Variants in CFAP95 observed in about 807,000 individuals in gnomAD.
CFAP95 encodes the protein cilia- and flagella-associated protein 95.
At chr9:69,853,049 C>T in the CFAP95 span, among the ~76,000 whole-genome samples, 287 of 152,232 alleles carry the variant, frequency 1.9e-3, no homozygotes, top group East Asian at 0.028. Context: ...AGCATGAAAA[C>T]GGACCAATAC....
the CFAP95 span, among the ~76,000 whole-genome samples, chr9:69,874,226 A>G: frequency 1.3e-5 from 2 of 152,266 alleles, no homozygotes; most frequent in South Asian, 4.1e-4. Context: ...ATCACGATAA[A>G]CACCAGAATT....
the CFAP95 span, among the ~76,000 whole-genome samples, chr9:69,851,153 CTG>C: frequency 8.5e-5 from 13 of 152,144 alleles, no homozygotes; most frequent in African/African-American, 3.1e-4. Flanking sequence ...GCAGGTGTAA[CTG>C]TTATGTTGAA....
At chr9:69,824,096 G>T in the CFAP95 span, among the ~76,000 whole-genome samples, 3 of 152,208 alleles carry the variant, frequency 2.0e-5, no homozygotes, top group Middle Eastern at 6.8e-3. Context: ...CAGAAAAGGA[G>T]AATAATATCA....
At chr9:69,830,322 C>T in the CFAP95 span, among the ~76,000 whole-genome samples, 2 of 152,098 alleles carry the variant, frequency 1.3e-5, no homozygotes, top group South Asian at 2.1e-4. Context: ...CCAAGAGCAA[C>T]GAACAAGGAG....
chr9:69,876,193 A>G, the CFAP95 span, among the ~76,000 whole-genome samples: 2 of 152,040 alleles, frequency 1.3e-5, no homozygotes, highest in South Asian at 4.2e-4. Context: ...ATGGCATTTC[A>G]TTGTTGTTTT....
the CFAP95 span, among the ~76,000 whole-genome samples, chr9:69,900,088 T>TAG: frequency 6.6e-6 from 1 of 152,122 alleles, no homozygotes; most frequent in Non-Finnish European, 1.5e-5. Flanking sequence ...ATTTTTTACT[T>TAG]AGATGGGTTT....
At chr9:69,861,730 C>CAAAAAAAAAAAAAAAAA in the CFAP95 span, among the ~76,000 whole-genome samples, 1 of 86,848 alleles carries the variant, frequency 1.2e-5, no homozygotes, top group Non-Finnish European at 2.2e-5. Context: ...TCTTATGAGT[C>CAAAAAAAAAAAAAAAAA]AAAAAAAAAA....
At chr9:69,904,733 C>G in the CFAP95 span, among the ~76,000 whole-genome samples, 1 of 152,248 alleles carries the variant, frequency 6.6e-6, no homozygotes, top group South Asian at 2.1e-4. Context: ...TTTAAAGGAC[C>G]TCTATTTGAC....
the CFAP95 span, among the ~76,000 whole-genome samples, chr9:69,886,256 G>C: frequency 1.3e-5 from 2 of 152,060 alleles, no homozygotes; most frequent in East Asian, 3.9e-4. Context: ...CAGGCATTCA[G>C]ATATGCTAAA....
the CFAP95 span, among the ~76,000 whole-genome samples, chr9:69,842,635 A>G: frequency 6.6e-6 from 1 of 152,180 alleles, no homozygotes; most frequent in African/African-American, 2.4e-5. Flanking sequence ...TCCTCATATT[A>G]TACATGTGAA....
the CFAP95 span, among the ~76,000 whole-genome samples, chr9:69,864,855 T>G: frequency 2.0e-5 from 3 of 152,230 alleles, no homozygotes; most frequent in African/African-American, 7.2e-5. Flanking sequence ...TTTCTACTTA[T>G]GCATTTGTGC....
chr9:69,849,574 T>C, the CFAP95 span, among the ~76,000 whole-genome samples: 1 of 152,052 alleles, frequency 6.6e-6, no homozygotes, highest in African/African-American at 2.4e-5. Context: ...GTATGATGGA[T>C]GCTATGACAG....
At chr9:69,872,716 G>T in the CFAP95 span, among the ~76,000 whole-genome samples, 1 of 152,142 alleles carries the variant, frequency 6.6e-6, no homozygotes, top group Admixed American at 6.5e-5. Flanking sequence ...TGGGCACAGT[G>T]GCTCATACCT....
At chr9:69,851,518 A>T in the CFAP95 span, among the ~76,000 whole-genome samples, 4 of 152,106 alleles carry the variant, frequency 2.6e-5, no homozygotes, top group East Asian at 7.7e-4. Context: ...CGAGTTGGAT[A>T]ATTTTTTATT....
the CFAP95 span, chr9:69,820,972 C>G: frequency 9.3e-6 from 15 of 1,613,934 alleles, no homozygotes; most frequent in African/African-American, 2.0e-4. Flanking sequence ...AGCGCAAGGG[C>G]TCCCTGACCC....
the CFAP95 span, among the ~76,000 whole-genome samples, chr9:69,877,998 A>G: frequency 6.6e-6 from 1 of 152,218 alleles, no homozygotes; most frequent in Non-Finnish European, 1.5e-5. Flanking sequence ...CAGCAATCAT[A>G]GATAATTCTA....
chr9:69,860,178 T>C, the CFAP95 span, among the ~76,000 whole-genome samples: 1 of 152,168 alleles, frequency 6.6e-6, no homozygotes, highest in Middle Eastern at 3.2e-3. Context: ...TGAGACTGGG[T>C]AATTTATAAA....
At chr9:69,861,529 G>A in the CFAP95 span, among the ~76,000 whole-genome samples, 1 of 152,042 alleles carries the variant, frequency 6.6e-6, no homozygotes, top group East Asian at 1.9e-4. Flanking sequence ...TTCTGCTAAG[G>A]GAGGGGAGGG....
At chr9:69,845,759 C>T in the CFAP95 span, among the ~76,000 whole-genome samples, 1 of 152,222 alleles carries the variant, frequency 6.6e-6, no homozygotes, top group African/African-American at 2.4e-5. Context: ...ACCCCAACCT[C>T]TCTGTGTCAC....
Sources: gnomAD v4.1 joint callset for allele counts (sites outside exome capture counted in the v4.1 genomes callset) on GRCh38, gnomAD v4.1.1 for gene constraint, MANE v1.5 for transcripts, NCBI Gene and HGNC (gene_info 2026-07-23, HGNC 2026-07-21) for gene names.